Variants in CACNA1E observed in about 807,000 individuals in gnomAD.
The protein encoded by CACNA1E is calcium voltage-gated channel subunit alpha1 E.
A neutral mutation model predicts 259.2 loss-of-function variants in CACNA1E; 40 were observed. That is an observed-to-expected ratio of 0.15 (90% confidence interval 0.12 to 0.20). CACNA1E has a LOEUF of 0.20. CACNA1E is among the 10% of genes least tolerant of loss of function. CACNA1E has a pLI of 1.00. For synonymous variants in CACNA1E, 1,104 were observed against 1,138.5 expected (o/e 0.97, Z 0.61); for missense variants, 1,874 against 3,040.1 (o/e 0.62, Z 9.02).
intron 2 of CACNA1E, among the ~76,000 whole-genome samples, chr1:181,468,743 C>A (rs1444065447): frequency 6.6e-6 from 1 of 152,004 alleles, no homozygotes; most frequent in Non-Finnish European, 1.5e-5. Context: ...ATGGGCTGGG[C>A]TTTTAAGTCT....
At chr1:181,592,914 T>C (rs1572317446) in intron 6 of CACNA1E, among the ~76,000 whole-genome samples, 1 of 152,184 alleles carries the variant, frequency 6.6e-6, no homozygotes, top group Non-Finnish European at 1.5e-5. Flanking sequence ...ACATCAAAGC[T>C]TGGGCTTTGA....
At chr1:181,318,657 G>T (rs1376528271) in intron 1 of CACNA1E, among the ~76,000 whole-genome samples, 1 of 152,224 alleles carries the variant, frequency 6.6e-6, no homozygotes, top group Admixed American at 6.5e-5. Flanking sequence ...GATCGCTGGT[G>T]GGGAGGGCGC....
chr1:181,792,455 CCT>C (rs1661407691), intron 44 of CACNA1E, among the ~76,000 whole-genome samples: 1 of 152,228 alleles, frequency 6.6e-6, no homozygotes. Context: ...TCTCACACCA[CCT>C]CTGATACCTG....
intron 6 of CACNA1E, among the ~76,000 whole-genome samples, chr1:181,610,585 T>C (rs888787227): frequency 6.6e-5 from 10 of 152,244 alleles, no homozygotes; most frequent in Non-Finnish European, 1.3e-4. Context: ...TTAAGTTTGT[T>C]GAAAAATTTG....
chr1:181,423,876 G>A (rs1337873084), intron 2 of CACNA1E, among the ~76,000 whole-genome samples: 1 of 152,144 alleles, frequency 6.6e-6, no homozygotes, highest in African/African-American at 2.4e-5. Flanking sequence ...TGAATTATCG[G>A]ATATTTTAAT....
intron 8 of CACNA1E, among the ~76,000 whole-genome samples, chr1:181,711,362 A>T (rs1177596111): frequency 6.6e-6 from 1 of 152,162 alleles, no homozygotes; most frequent in Non-Finnish European, 1.5e-5. Flanking sequence ...GGCGTTTTGT[A>T]ATACCGTTCC....
intron 38 of CACNA1E, among the ~76,000 whole-genome samples, chr1:181,777,377 T>C (rs1199211537): frequency 6.6e-6 from 1 of 152,210 alleles, no homozygotes. Flanking sequence ...CAGAGACTTT[T>C]CCCAAAAATC....
rs983445213 is a variant in CACNA1E, at chr1:181,780,843, C to T, written c.5268-584C>T. Among the ~76,000 whole-genome samples the T allele has an allele frequency of 4.6e-5, 7 of 152,118 alleles. No individual in the cohort carries two copies. In the East Asian group the frequency reaches 5.8e-4, roughly 13 times the overall value. ...ACAGCCCACCACCTTCAGTGCAAGA[C>T]GCCGCCTCCTGCTGCACACACACAC... On this transcript the variant is annotated intron_variant, in intron 38 of 47. Coordinates refer to ENST00000367573, the MANE Select transcript of CACNA1E (RefSeq NM_001205293.3).
chr1:181,597,025 C>T (rs976393705), intron 6 of CACNA1E, among the ~76,000 whole-genome samples: 1 of 152,130 alleles, frequency 6.6e-6, no homozygotes, highest in African/African-American at 2.4e-5. Context: ...TGAATTCTAG[C>T]TCTGCCCTGC....
intron 6 of CACNA1E, among the ~76,000 whole-genome samples, chr1:181,642,003 C>T (rs183235932): frequency 6.6e-6 from 1 of 151,946 alleles, no homozygotes; most frequent in Non-Finnish European, 1.5e-5. Flanking sequence ...TGAGCCACCG[C>T]GCCTGGCCTG....
At chr1:181,363,627 T>C (rs1654052220) in intron 1 of CACNA1E, among the ~76,000 whole-genome samples, 1 of 147,880 alleles carries the variant, frequency 6.8e-6, no homozygotes, top group Non-Finnish European at 1.5e-5. Context: ...ACAAAACAGT[T>C]TGTCAACCAG....
intron 6 of CACNA1E, among the ~76,000 whole-genome samples, chr1:181,623,881 A>G (rs1655950306): frequency 6.6e-6 from 1 of 152,218 alleles, no homozygotes; most frequent in Non-Finnish European, 1.5e-5. Flanking sequence ...TGACTGTGGC[A>G]GTGTCTTAAA....
chr1:181,783,206 A>T (rs1363714527), intron 39 of CACNA1E, among the ~76,000 whole-genome samples: 1 of 152,246 alleles, frequency 6.6e-6, no homozygotes, highest in Non-Finnish European at 1.5e-5. Context: ...AAGTTAGATA[A>T]GCAAAGCAAA....
chr1:181,663,768 C>T (rs1647924422), intron 7 of CACNA1E, among the ~76,000 whole-genome samples: 1 of 152,220 alleles, frequency 6.6e-6, no homozygotes, highest in Non-Finnish European at 1.5e-5. Flanking sequence ...ATAGGTTGGA[C>T]ATTTTTACAC....
intron 1 of CACNA1E, among the ~76,000 whole-genome samples, chr1:181,326,468 C>T (rs1650804718): frequency 6.6e-6 from 1 of 152,172 alleles, no homozygotes; most frequent in Non-Finnish European, 1.5e-5. Context: ...TATGGTGTCT[C>T]ATGGGTGCTC....
At chr1:181,587,658 C>T (rs1035378503) in intron 6 of CACNA1E, among the ~76,000 whole-genome samples, 4 of 151,826 alleles carry the variant, frequency 2.6e-5, no homozygotes, top group East Asian at 1.9e-4. Context: ...CCGAGGCGGG[C>T]GGATCACTAG....
intron 1 of CACNA1E, among the ~76,000 whole-genome samples, chr1:181,498,618 G>A (rs1182436675): frequency 6.6e-6 from 1 of 152,036 alleles, no homozygotes; most frequent in Non-Finnish European, 1.5e-5. Context: ...TAGCATAACA[G>A]AATACTAGAA....
intron 6 of CACNA1E, among the ~76,000 whole-genome samples, chr1:181,584,846 T>C (rs1475769340): frequency 6.6e-6 from 1 of 152,210 alleles, no homozygotes; most frequent in African/African-American, 2.4e-5. Flanking sequence ...AGTCTATGAT[T>C]ATCTTATGGT....
chr1:181,514,130 A>G (rs1666370008), intron 3 of CACNA1E, among the ~76,000 whole-genome samples: 1 of 152,100 alleles, frequency 6.6e-6, no homozygotes, highest in Admixed American at 6.5e-5. Context: ...GCATGATCAT[A>G]TTTAGTCTTA....
Sources: gnomAD v4.1 joint callset for allele counts (sites outside exome capture counted in the v4.1 genomes callset) on GRCh38, gnomAD v4.1.1 for gene constraint, MANE v1.5 for transcripts, NCBI Gene and HGNC (gene_info 2026-07-23, HGNC 2026-07-21) for gene names.